The following EPHX4 variants were observed in gnomAD, a reference collection of about 807,000 sequenced individuals.
EPHX4 encodes abhydrolase domain containing 7.
Under a neutral mutation model 44.9 loss-of-function variants are expected in EPHX4, and 31 were observed. That is an observed-to-expected ratio of 0.69 (90% confidence interval 0.52 to 0.93). The LOEUF is 0.93. Ranked by LOEUF, EPHX4 falls within the 40% of genes least tolerant of loss-of-function variation. The probability of loss-of-function intolerance (pLI) is 0.00; values close to 1 mark genes in which losing one functional copy is unlikely to be tolerated. For synonymous variants in EPHX4, 151 were observed against 159.7 expected (o/e 0.95, Z 0.41); for missense variants, 373 against 438.1 (o/e 0.85, Z 1.33).
At chr1:92,030,406 C>T in intron 1 of EPHX4, 96 bp downstream of exon 1, 5 of 1,135,978 alleles carry the variant, frequency 4.4e-6, no homozygotes, top group Non-Finnish European at 6.0e-6. Flanking sequence ...GCTGGCTCAG[C>T]GTCCCCTAGT....
At position 92,029,991 on chromosome 1, in the gene EPHX4, C is replaced by G. The variant is rs928423674; in HGVS notation, c.-89C>G. 2 of 909,036 alleles carry G rather than the reference C, an allele frequency of 2.2e-6. No homozygotes were observed. The highest frequency in any genetic ancestry group is 4.5e-5 in the Admixed American group (1 of 22,198). The allele number at this position is 909,036 out of a possible 1,614,324, so 56.3% of individuals were successfully genotyped here. On this transcript the variant is annotated 5_prime_UTR_variant, in exon 1 of 7. Coordinates refer to ENST00000370383, the MANE Select transcript of EPHX4 (RefSeq NM_173567.5). ...GCCCCGGGCCGGGGGAGGCGCGCGT[C>G]GAGAGGCGACGGCGGGCTGGCCTGG...
At chr1:92,047,971 T>C (rs1688605808) in intron 4 of EPHX4, among the ~76,000 whole-genome samples, 1 of 152,176 alleles carries the variant, frequency 6.6e-6, no homozygotes, top group African/African-American at 2.4e-5. Context: ...GGCACATTTT[T>C]ATTTGGTTTT....
chr1:92,032,419 A>AT (rs1688374672), intron 1 of EPHX4, 86 bp from the exon 2 acceptor site: 10 of 1,021,448 alleles, frequency 9.8e-6, no homozygotes, highest in African/African-American at 1.6e-5. Context: ...GCAAGTTACT[A>AT]TTTTTTTAAT....
At chr1:92,048,267 A>T (rs1463199683) in intron 4 of EPHX4, among the ~76,000 whole-genome samples, 2 of 152,196 alleles carry the variant, frequency 1.3e-5, no homozygotes, top group Admixed American at 1.3e-4. Flanking sequence ...CCTGAGAGTC[A>T]CTGTATTTTT....
At chr1:92,054,634 A>G (rs926819030) in intron 6 of EPHX4, among the ~76,000 whole-genome samples, 11 of 151,872 alleles carry the variant, frequency 7.2e-5, no homozygotes, top group Non-Finnish European at 1.5e-4. Context: ...AGCAGTCAGA[A>G]TACAGTCACA....
chr1:92,032,491 C>T lies in EPHX4; in HGVS notation c.232-14C>T. The T allele has an allele frequency of 6.2e-7, 1 of 1,604,356 alleles. No homozygotes were observed. On this transcript the variant is annotated splice_polypyrimidine_tract_variant and intron_variant, in intron 1 of 6. Transcript: ENST00000370383. ...ACACAAACATCACTAAAATTCCATG[C>T]CCTCTACTTTCAGGATTCAGGGTTA...
At chr1:92,058,161 G>T (rs1056100225) in intron 6 of EPHX4, among the ~76,000 whole-genome samples, 1 of 151,912 alleles carries the variant, frequency 6.6e-6, no homozygotes, top group Non-Finnish European at 1.5e-5. Flanking sequence ...AATTAATTAG[G>T]CTGGGCACAG....
At chr1:92,046,357 G>T (rs1688580946) in intron 4 of EPHX4, among the ~76,000 whole-genome samples, 1 of 152,204 alleles carries the variant, frequency 6.6e-6, no homozygotes, top group African/African-American at 2.4e-5. Flanking sequence ...GCCTCACACA[G>T]ATCTGTAATT....
At chr1:92,043,720 T>TA (rs1187108003) in intron 3 of EPHX4, 1 of 152,218 alleles carries the variant, frequency 6.6e-6, no homozygotes, top group East Asian at 1.9e-4. Context: ...AGGTTAACCG[T>TA]AGGCTGGACT....
chr1:92,032,377 A>C, intron 1 of EPHX4, 128 bp from the exon 2 acceptor site: 1 of 667,436 alleles, frequency 1.5e-6, no homozygotes, highest in South Asian at 1.9e-5. Flanking sequence ...TGTCATGAAG[A>C]TATTGTAAAT....
chr1:92,051,793 G>A (rs1647262472), intron 5 of EPHX4, among the ~76,000 whole-genome samples: 1 of 152,088 alleles, frequency 6.6e-6, no homozygotes, highest in Non-Finnish European at 1.5e-5. Context: ...ATTAATTTTA[G>A]TATACATTAG....
At chr1:92,054,587 C>CAAA (rs745316500) in intron 6 of EPHX4, among the ~76,000 whole-genome samples, 3 of 54,652 alleles carry the variant, frequency 5.5e-5, no homozygotes, top group African/African-American at 1.2e-4. Context: ...GACTCCATCT[C>CAAA]AAAAAAAAAA....
chr1:92,037,569 C>T (rs1688457761), intron 2 of EPHX4, among the ~76,000 whole-genome samples: 1 of 152,112 alleles, frequency 6.6e-6, no homozygotes, highest in African/African-American at 2.4e-5. Flanking sequence ...TCTTCGTCTC[C>T]AGCTATATGG....
chr1:92,045,235 T>C (rs998540037), intron 3 of EPHX4, among the ~76,000 whole-genome samples: 1 of 151,972 alleles, frequency 6.6e-6, no homozygotes, highest in Non-Finnish European at 1.5e-5. Context: ...ATCCTCCTGC[T>C]TTGGCCTCAC....
rs141612365 is a variant in EPHX4 at position 92,040,103 on chromosome 1, A to G, written c.318-2720A>G. ...TCCTAGTGATAGATCAAAAAATTCT[A>G]TATTCATTCATAATTCCAAATATGT... On this transcript the variant is annotated intron_variant, in intron 2 of 6. Coordinates refer to ENST00000370383, the MANE Select transcript of EPHX4 (RefSeq NM_173567.5). Among the ~76,000 whole-genome samples the G allele has an allele frequency of 2.2e-4, 33 of 151,486 alleles. No individual in the cohort carries two copies. In the East Asian group the frequency reaches 5.8e-3, roughly 27 times the overall value.
At chr1:92,030,364 G>A in intron 1 of EPHX4, 54 bp downstream of exon 1, 3 of 1,413,072 alleles carry the variant, frequency 2.1e-6, no homozygotes, top group South Asian at 2.9e-5. Context: ...CCGCCGCGAG[G>A]GTGGGGGGCT....
At chr1:92,051,728 C>G (rs895667097) in intron 5 of EPHX4, among the ~76,000 whole-genome samples, 1 of 152,194 alleles carries the variant, frequency 6.6e-6, no homozygotes, top group African/African-American at 2.4e-5. Context: ...TAACAGTGAT[C>G]AGTGGGCTCA....
At chr1:92,059,399 G>A (rs981152140) in intron 6 of EPHX4, among the ~76,000 whole-genome samples, 2 of 151,974 alleles carry the variant, frequency 1.3e-5, no homozygotes, top group Admixed American at 6.6e-5. Flanking sequence ...ATCCGTCACT[G>A]CACTCCAGCC....
Position 92,042,882 on chromosome 1 carries a change from A to AT in EPHX4, c.380dup (p.Leu127PhefsTer17), listed in dbSNP as rs1358373688. ...AGTGAATATCGAGTTGTAGCACTGG[A>AT]TTTGAGAGGTTATGGAGAAACAGAT... On this transcript the variant is annotated frameshift_variant, in exon 3 of 7. Transcript: ENST00000370383. LOFTEE classifies it high-confidence loss of function. 1.2e-6 allele frequency: 2 copies of AT among 1,613,720 alleles called. No individual in the cohort carries two copies. The highest frequency in any genetic ancestry group is 1.6e-4 in the Middle Eastern group (1 of 6,062).
Sources: gnomAD v4.1 joint callset for allele counts (sites outside exome capture counted in the v4.1 genomes callset) on GRCh38, gnomAD v4.1.1 for gene constraint, MANE v1.5 for transcripts, NCBI Gene and HGNC (gene_info 2026-07-23, HGNC 2026-07-21) for gene names.